The following COL28A1 variants were observed in gnomAD, a reference collection of about 807,000 sequenced individuals.
The protein encoded by COL28A1 is collagen type XXVIII alpha 1 chain, also known as collagen alpha-1(XXVIII) chain.
Under a neutral mutation model 150.2 loss-of-function variants are expected in COL28A1, and 161 were observed. The observed-to-expected ratio is 1.07, with a 90% CI of 0.94 to 1.22. COL28A1 has a LOEUF of 1.22. Among genes scored for constraint, COL28A1 ranks in the 50% most tolerant of loss-of-function variants. COL28A1 has a pLI of 0.00. For missense variants in COL28A1, 1,617 were observed against 1,388.3 expected (o/e 1.16, Z -2.62); for synonymous variants, 552 against 469.7 (o/e 1.18, Z -2.26).
intron 8 of COL28A1, among the ~76,000 whole-genome samples, chr7:7,512,762 AAC>A (rs1486334094): frequency 1.3e-5 from 2 of 152,210 alleles, no homozygotes; most frequent in African/African-American, 4.8e-5. Flanking sequence ...AAGATAAGGA[AAC>A]ACAATTGGAT....
chr7:7,435,252 C>T (rs1785258536), intron 23 of COL28A1, among the ~76,000 whole-genome samples: 2 of 152,168 alleles, frequency 1.3e-5, no homozygotes, highest in African/African-American at 2.4e-5. Context: ...ATTGTGAATA[C>T]ACAGCTTCAA....
chr7:7,389,495 C>A (rs1562526570), intron 27 of COL28A1, among the ~76,000 whole-genome samples: 1 of 152,070 alleles, frequency 6.6e-6, no homozygotes, highest in Non-Finnish European at 1.5e-5. Flanking sequence ...TTTTTGATTC[C>A]ATAAGATATT....
chr7:7,355,581 C>A (rs1780329260), downstream of COL28A1, among the ~76,000 whole-genome samples: 1 of 151,868 alleles, frequency 6.6e-6, no homozygotes, highest in African/African-American at 2.4e-5. Context: ...CTGCAACACT[C>A]TGGGCAACAG....
rs1214016966 is a variant in COL28A1, at chr7:7,360,372, G to C, written c.3205+18C>G. ...GACTGTAGAATCAAAATGGGACTTG[G>C]AGTTCTGGTTTACCTACCCTCTGCC... is the stretch of plus-strand genomic sequence containing the variant. On this transcript the variant is annotated intron_variant, in intron 34 of 34. Transcript: ENST00000399429. 1 of 1,530,224 alleles carries C rather than the reference G, an allele frequency of 6.5e-7. No homozygotes were observed. Among genetic ancestry groups the C allele is most frequent in the East Asian group, 2.4e-5 (1 of 41,412 alleles). The allele number at this position is 1,530,224 out of a possible 1,614,324, so 94.8% of individuals were successfully genotyped here. A position where few individuals can be genotyped will look rare whatever the true frequency, so the allele number is the denominator to read the frequency against.
At chr7:7,468,512 T>C in intron 15 of COL28A1, among the ~76,000 whole-genome samples, 2 of 112,760 alleles carry the variant, frequency 1.8e-5, no homozygotes, top group Middle Eastern at 4.2e-3. Context: ...GATTCACAGC[T>C]GAATTCTACC....
At chr7:7,388,072 TTACATAGGTA>T (rs1469332575) in intron 27 of COL28A1, among the ~76,000 whole-genome samples, 1 of 152,124 alleles carries the variant, frequency 6.6e-6, no homozygotes, top group Non-Finnish European at 1.5e-5. Context: ...ACATGGTTTG[TTACATAGGTA>T]TGCATGTGTC....
At chr7:7,514,320 A>T (rs536947558) in intron 8 of COL28A1, among the ~76,000 whole-genome samples, 1 of 152,304 alleles carries the variant, frequency 6.6e-6, no homozygotes, top group African/African-American at 2.4e-5. Flanking sequence ...AACATTTTGG[A>T]ATACATTGTC....
chr7:7,393,716 C>A (rs1782677200), intron 27 of COL28A1, among the ~76,000 whole-genome samples: 1 of 152,192 alleles, frequency 6.6e-6, no homozygotes, highest in Non-Finnish European at 1.5e-5. Context: ...GAGGATTCCA[C>A]CCAATTGGGA....
At chr7:7,444,265 G>A (rs1194070540) in intron 19 of COL28A1, among the ~76,000 whole-genome samples, 153 bp downstream of exon 19, 4 of 152,074 alleles carry the variant, frequency 2.6e-5, no homozygotes, top group Non-Finnish European at 5.9e-5. Context: ...CTTCTCTCAG[G>A]GAGAAGTGGA....
intron 27 of COL28A1, among the ~76,000 whole-genome samples, chr7:7,409,517 C>T (rs1294600): frequency 0.99 from 150,086 of 152,276 alleles, 73,972 homozygotes; most frequent in East Asian, 1. Context: ...TTATGGACTA[C>T]TATAGCATGA....
chr7:7,532,887 G>C lies in COL28A1; in HGVS notation c.-12C>G. 1 of 1,589,414 alleles carries C rather than the reference G, an allele frequency of 6.3e-7. No individual in the cohort carries two copies. Among genetic ancestry groups the C allele is most frequent in the South Asian group, 1.2e-5 (1 of 85,468 alleles). On this transcript the variant is annotated 5_prime_UTR_variant, in exon 2 of 35. Coordinates refer to ENST00000399429, the MANE Select transcript of COL28A1 (RefSeq NM_001037763.3). ...TATCTGTTCCACATTATGGTAGATG[G>C]TGAAAAATCATCTGTCTTGTAGCAC...
chr7:7,487,527 G>A (rs565181464), intron 13 of COL28A1, among the ~76,000 whole-genome samples: 3 of 152,220 alleles, frequency 2.0e-5, no homozygotes, highest in African/African-American at 4.8e-5. Context: ...GCAGTGAGCC[G>A]AGATCATGCC....
At chr7:7,493,457 G>T (rs1428299627) in intron 11 of COL28A1, among the ~76,000 whole-genome samples, 1 of 152,178 alleles carries the variant, frequency 6.6e-6, no homozygotes, top group African/African-American at 2.4e-5. Context: ...AGTACCAAGA[G>T]CAGCTGAGCA....
At chr7:7,517,540 C>T (rs536793776) in intron 7 of COL28A1, among the ~76,000 whole-genome samples, 74 of 152,110 alleles carry the variant, frequency 4.9e-4, no homozygotes, top group Non-Finnish European at 9.7e-4. Flanking sequence ...AGCCTTTCAC[C>T]AATGTCAAAT....
chr7:7,447,338 G>C (rs1440817876), intron 18 of COL28A1, among the ~76,000 whole-genome samples: 1 of 152,046 alleles, frequency 6.6e-6, no homozygotes, highest in Admixed American at 6.6e-5. Context: ...CAACTACTCA[G>C]GAGGCTAAGG....
At chr7:7,465,479 T>C (rs1788009809) in intron 15 of COL28A1, among the ~76,000 whole-genome samples, 1 of 139,556 alleles carries the variant, frequency 7.2e-6, no homozygotes, top group African/African-American at 2.7e-5. Flanking sequence ...CGCTGATTGC[T>C]AGCACAGCAG....
rs1783663300 is a variant in COL28A1 at position 7,409,437 on chromosome 7, G to A, written c.2136+8422C>T. ...TGGGTAGGAGGAAGGGAGAGAGAAA[G>A]AAAGAAATGAAGGAAAAGGAGAGAA... On this transcript the variant is annotated intron_variant, in intron 27 of 34. Coordinates refer to ENST00000399429, the MANE Select transcript of COL28A1 (RefSeq NM_001037763.3). Among the ~76,000 whole-genome samples the A allele has an allele frequency of 2.0e-5, 3 of 151,890 alleles. No homozygotes were observed. In the South Asian group the frequency reaches 6.2e-4, roughly 32 times the overall value.
Position 7,496,531 on chromosome 7 carries a change from T to C in COL28A1, c.1027-5885A>G, listed in dbSNP as rs570844629. Among the ~76,000 whole-genome samples, 26 of 151,648 alleles carry C rather than the reference T, an allele frequency of 1.7e-4. No homozygotes were observed. The South Asian group carries it at 5.5e-3, about 32-fold the overall frequency. On this transcript the variant is annotated intron_variant, in intron 11 of 34. Transcript: ENST00000399429. ...CCTATTACACAATTTCTCCTACCAA[T>C]TCACCCAGACACAATTAATCTTTTT...
intron 11 of COL28A1, among the ~76,000 whole-genome samples, chr7:7,493,656 T>C (rs1167306937): frequency 6.6e-6 from 1 of 152,136 alleles, no homozygotes; most frequent in Non-Finnish European, 1.5e-5. Context: ...TCATGTTTAT[T>C]CCCTTCCCAT....
Sources: gnomAD v4.1 joint callset for allele counts (sites outside exome capture counted in the v4.1 genomes callset) on GRCh38, gnomAD v4.1.1 for gene constraint, MANE v1.5 for transcripts, NCBI Gene and HGNC (gene_info 2026-07-23, HGNC 2026-07-21) for gene names.